PHF20: variants seen among roughly 807,000 people sequenced by gnomAD.
The protein encoded by PHF20 is glioma-expressed antigen 2.
PHF20 carries 23 observed loss-of-function variants against 113.5 expected under a neutral mutation model. That is an observed-to-expected ratio of 0.20 (90% CI 0.15 to 0.29). PHF20 has a LOEUF of 0.29. Ranked by LOEUF, PHF20 falls within the 10% of genes least tolerant of loss-of-function variation. The pLI, the probability that PHF20 is intolerant of heterozygous loss-of-function variation, is 1.00. For synonymous variants in PHF20, 434 were observed against 457.3 expected, an observed-to-expected ratio of 0.95 and a Z score of 0.65; for missense variants, 943 against 1,219.6, an observed-to-expected ratio of 0.77 and a Z score of 3.38.
intron 14 of PHF20, among the ~76,000 whole-genome samples, chr20:35,929,633 T>C (rs1376262651): frequency 6.6e-6 from 1 of 152,266 alleles, no homozygotes; most frequent in African/African-American, 2.4e-5. Flanking sequence ...TTAAAAATCT[T>C]TTTTTCCCTA....
intron 2 of PHF20, among the ~76,000 whole-genome samples, chr20:35,816,654 G>C (rs1257976311): frequency 1.3e-5 from 2 of 151,668 alleles, no homozygotes; most frequent in Non-Finnish European, 2.9e-5. Flanking sequence ...GGGTTTCACT[G>C]TGTTGGCCAG....
At position 35,949,827 on chromosome 20, in the gene PHF20, TG is replaced by T. The variant is rs2056147388; in HGVS notation, c.*2202del. 6.6e-6 allele frequency: 1 copy of T among 152,596 alleles called. No individual in the cohort carries two copies. The highest frequency in any genetic ancestry group is 1.5e-5 in the Non-Finnish European group (1 of 68,070). 9.5% of individuals were successfully genotyped at this position (152,596 alleles called of 1,614,324 possible). A position where few individuals can be genotyped will look rare whatever the true frequency, so the allele number is the denominator to read the frequency against. On this transcript the variant is annotated 3_prime_UTR_variant, in exon 18 of 18. Coordinates refer to ENST00000374012, the MANE Select transcript of PHF20 (RefSeq NM_016436.5). ...CAGCACTTTGGGAGGCCGAGGCAGG[TG>T]GATCACCTGAGGTCAGGAGTTCGAG...
chr20:35,812,821 C>T (rs995138462), intron 2 of PHF20, among the ~76,000 whole-genome samples: 2 of 152,082 alleles, frequency 1.3e-5, no homozygotes, highest in Non-Finnish European at 2.9e-5. Context: ...ATCCTATTAT[C>T]CCCCCACATC....
intron 1 of PHF20, among the ~76,000 whole-genome samples, chr20:35,777,290 G>A (rs1306061081): frequency 6.6e-6 from 1 of 152,078 alleles, no homozygotes; most frequent in African/African-American, 2.4e-5. Context: ...TTGTTTTTTG[G>A]TTTGAATTAG....
chr20:35,816,371 T>G (rs541919136), intron 2 of PHF20, among the ~76,000 whole-genome samples: 1 of 152,336 alleles, frequency 6.6e-6, no homozygotes, highest in African/African-American at 2.4e-5. Context: ...TGAGTGAATT[T>G]TAAGGATTTT....
At chr20:35,868,169 T>C (rs1406002794) in intron 6 of PHF20, among the ~76,000 whole-genome samples, 5 of 152,052 alleles carry the variant, frequency 3.3e-5, no homozygotes, top group Non-Finnish European at 7.4e-5. Flanking sequence ...GGCGCATGCC[T>C]GTAATCCCAG....
At chr20:35,853,662 A>T (rs2042778903) in intron 4 of PHF20, among the ~76,000 whole-genome samples, 1 of 151,940 alleles carries the variant, frequency 6.6e-6, no homozygotes, top group South Asian at 2.1e-4. Flanking sequence ...TGAGGCAGAG[A>T]CAGTAGGATT....
chr20:35,865,564 G>A (rs1033279238), intron 6 of PHF20, among the ~76,000 whole-genome samples: 1 of 141,442 alleles, frequency 7.1e-6, no homozygotes, highest in Non-Finnish European at 1.5e-5. Context: ...GTGCAGTGGC[G>A]TGATTGTGGC....
At chr20:35,939,768 T>C (rs1232340314) in intron 16 of PHF20, among the ~76,000 whole-genome samples, 1 of 152,228 alleles carries the variant, frequency 6.6e-6, no homozygotes, top group Non-Finnish European at 1.5e-5. Context: ...TGAGAGTTTC[T>C]CTGTCTCATC....
chr20:35,873,630 G>A (rs954017648), intron 9 of PHF20, among the ~76,000 whole-genome samples: 3 of 151,660 alleles, frequency 2.0e-5, no homozygotes, highest in East Asian at 1.9e-4. Context: ...CACCACAATC[G>A]GCTAATTTTT....
intron 1 of PHF20, among the ~76,000 whole-genome samples, chr20:35,789,087 T>A (rs530826298): frequency 1.3e-3 from 196 of 152,178 alleles, no homozygotes; most frequent in Non-Finnish European, 2.2e-3. Flanking sequence ...GAGGTTCCAA[T>A]GGCTAATCCT....
At chr20:35,844,344 C>T (rs996540573) in intron 3 of PHF20, among the ~76,000 whole-genome samples, 13 of 151,580 alleles carry the variant, frequency 8.6e-5, no homozygotes, top group East Asian at 1.9e-4. Context: ...CCTCGTGATC[C>T]GCCTGCCTCG....
chr20:35,884,997 AT>A (rs1253163368), intron 9 of PHF20, among the ~76,000 whole-genome samples: 1 of 151,668 alleles, frequency 6.6e-6, no homozygotes, highest in East Asian at 1.9e-4. Context: ...CGCCTGGCTA[AT>A]TTTTTTTGTA....
chr20:35,918,084 G>A (rs1156939741), intron 13 of PHF20, among the ~76,000 whole-genome samples: 2 of 152,104 alleles, frequency 1.3e-5, no homozygotes, highest in African/African-American at 2.4e-5. Context: ...TAACTTCTAT[G>A]TTTCTTTTTC....
chr20:35,926,919 T>TG (rs2055650411), intron 13 of PHF20, among the ~76,000 whole-genome samples: 1 of 152,218 alleles, frequency 6.6e-6, no homozygotes, highest in African/African-American at 2.4e-5. Flanking sequence ...GGTCCTGGTT[T>TG]GGAATTGCTT....
chr20:35,873,855 C>A (rs937677310), intron 9 of PHF20, among the ~76,000 whole-genome samples: 4 of 152,188 alleles, frequency 2.6e-5, no homozygotes, highest in Non-Finnish European at 4.4e-5. Flanking sequence ...TCTCACAGTT[C>A]ACTTAGAGTT....
At chr20:35,857,906 C>T (rs551813306) in intron 4 of PHF20, among the ~76,000 whole-genome samples, 8 of 152,100 alleles carry the variant, frequency 5.3e-5, no homozygotes, top group Non-Finnish European at 1.0e-4. Flanking sequence ...GCTATTACTG[C>T]CCCCGATCCC....
At chr20:35,890,618 G>A (rs2054830956) in intron 9 of PHF20, among the ~76,000 whole-genome samples, 1 of 152,118 alleles carries the variant, frequency 6.6e-6, no homozygotes, top group South Asian at 2.1e-4. Context: ...AGTGCCTCAC[G>A]CCTTGTAATC....
chr20:35,841,552 A>T (rs929131355), intron 2 of PHF20, among the ~76,000 whole-genome samples: 1 of 152,048 alleles, frequency 6.6e-6, no homozygotes, highest in African/African-American at 2.4e-5. Flanking sequence ...TGGGCGGATC[A>T]TGAGGTCAAG....
Sources: gnomAD v4.1 joint callset for allele counts (sites outside exome capture counted in the v4.1 genomes callset) on GRCh38, gnomAD v4.1.1 for gene constraint, MANE v1.5 for transcripts, NCBI Gene and HGNC (gene_info 2026-07-23, HGNC 2026-07-21) for gene names.